RHBDD1: variants seen among roughly 807,000 people sequenced by gnomAD.
RHBDD1 encodes rhomboid-related protein 4.
In RHBDD1, 38 loss-of-function variants were observed where a neutral mutation model predicts 36.3. The ratio of observed to expected loss-of-function variants is 1.05; its 90% CI spans 0.81 to 1.37. The LOEUF (loss-of-function observed/expected upper bound fraction) is 1.37. Ranked by LOEUF, RHBDD1 falls within the 40% of genes most tolerant of loss-of-function variation. RHBDD1 has a pLI of 0.00. For missense variants in RHBDD1, 393 were observed against 377.6 expected, an observed-to-expected ratio of 1.04 and a Z score of -0.34; for synonymous variants, 151 against 136.5, an observed-to-expected ratio of 1.11 and a Z score of -0.74.
At chr2:226,948,821 G>A (rs139713633) in intron 8 of RHBDD1, among the ~76,000 whole-genome samples, 2,530 of 152,108 alleles carry the variant, frequency 0.017, 60 homozygotes, top group African/African-American at 0.058. Context: ...AGAAATAAAG[G>A]GCATTCAAAT....
At chr2:226,844,438 TATAAC>T (rs1269036713) in intron 3 of RHBDD1, among the ~76,000 whole-genome samples, 3 of 152,358 alleles carry the variant, frequency 2.0e-5, no homozygotes, top group Non-Finnish European at 2.9e-5. Context: ...TTTGTGGTAA[TATAAC>T]ATATATTTGA....
At chr2:226,987,775 A>G (rs1311267081) in intron 8 of RHBDD1, among the ~76,000 whole-genome samples, 1 of 152,202 alleles carries the variant, frequency 6.6e-6, no homozygotes, top group South Asian at 2.1e-4. Context: ...GTGACTTGAT[A>G]TATTATCTGC....
At chr2:226,802,720 C>A in the RHBDD1 span, among the ~76,000 whole-genome samples, 2 of 152,188 alleles carry the variant, frequency 1.3e-5, no homozygotes, top group South Asian at 4.2e-4. Flanking sequence ...GAGTTAGAGC[C>A]GATTTGTGTA....
the RHBDD1 span, among the ~76,000 whole-genome samples, chr2:226,810,516 G>A: frequency 3.0e-5 from 3 of 100,586 alleles, no homozygotes; most frequent in African/African-American, 9.6e-5. Context: ...ACTCCAGCCT[G>A]AGCAAAAGAG....
At chr2:226,979,844 C>T (rs530042810) in intron 8 of RHBDD1, among the ~76,000 whole-genome samples, 35 of 152,328 alleles carry the variant, frequency 2.3e-4, no homozygotes, top group African/African-American at 7.7e-4. Context: ...ACCATCACAG[C>T]GGTTTAGGCA....
chr2:226,840,054 A>G (rs1017339849), intron 3 of RHBDD1, among the ~76,000 whole-genome samples: 1 of 152,212 alleles, frequency 6.6e-6, no homozygotes, highest in Non-Finnish European at 1.5e-5. Context: ...AATAATTTCA[A>G]ATGCTAAGTA....
At chr2:226,836,612 G>GA (rs1299875571) in intron 1 of RHBDD1, among the ~76,000 whole-genome samples, 2 of 152,176 alleles carry the variant, frequency 1.3e-5, no homozygotes, top group Admixed American at 1.3e-4. Flanking sequence ...ACGTTTACAA[G>GA]AAACGGATCA....
intron 8 of RHBDD1, among the ~76,000 whole-genome samples, chr2:226,980,807 A>C (rs1162941502): frequency 6.6e-6 from 1 of 151,862 alleles, no homozygotes; most frequent in East Asian, 1.9e-4. Flanking sequence ...ATTGATGTTT[A>C]AAAAATTTAG....
chr2:226,819,218 T>G, the RHBDD1 span, among the ~76,000 whole-genome samples: 3 of 152,230 alleles, frequency 2.0e-5, no homozygotes, highest in African/African-American at 7.2e-5. Flanking sequence ...TGCATTCCCC[T>G]GGGATCCACA....
At chr2:226,908,927 T>C (rs761250942) in intron 7 of RHBDD1, 49 bp downstream of exon 7, 8 of 1,203,984 alleles carry the variant, frequency 6.6e-6, no homozygotes, top group South Asian at 2.5e-5. Context: ...TTTAAAATTA[T>C]AGTGTTCAGC....
chr2:226,881,325 A>G (rs1270981556), intron 5 of RHBDD1, among the ~76,000 whole-genome samples: 1 of 152,220 alleles, frequency 6.6e-6, no homozygotes, highest in African/African-American at 2.4e-5. Context: ...TCTCACCCAG[A>G]GAAAATTATT....
intron 5 of RHBDD1, among the ~76,000 whole-genome samples, chr2:226,904,281 G>A (rs1395982120): frequency 2.0e-5 from 3 of 152,250 alleles, no homozygotes; most frequent in South Asian, 2.1e-4. Flanking sequence ...GGACGTTGCC[G>A]TGAGGCTGAA....
chr2:226,852,655 A>G (rs899128705), intron 3 of RHBDD1, among the ~76,000 whole-genome samples: 2 of 152,140 alleles, frequency 1.3e-5, no homozygotes, highest in African/African-American at 4.8e-5. Context: ...CATCCTGTCT[A>G]TGGTACTTAG....
At chr2:226,975,020 A>G (rs940950984) in intron 8 of RHBDD1, among the ~76,000 whole-genome samples, 89 of 152,166 alleles carry the variant, frequency 5.8e-4, no homozygotes, top group African/African-American at 2.1e-3. Context: ...TGGTACGTGG[A>G]GAGAACTGGG....
Position 226,976,944 on chromosome 2 carries a change from T to C in RHBDD1, c.857-18487T>C, listed in dbSNP as rs372760997. 2.0e-4 allele frequency among the ~76,000 whole-genome samples: 31 copies of C among 152,326 alleles called. No homozygotes were observed. In the East Asian group the frequency reaches 3.3e-3, roughly 16 times the overall value. The stretch of plus-strand genomic sequence containing the variant: ...ATTGAAAGAGCCATTATCTATTTCT[T>C]AGAGGCCCCAAACAAACAGGGTGGA... On this transcript the variant is annotated intron_variant, in intron 8 of 8. Coordinates refer to ENST00000392062, the MANE Select transcript of RHBDD1 (RefSeq NM_001167608.3).
chr2:226,803,273 AAG>A, the RHBDD1 span, among the ~76,000 whole-genome samples: 2 of 152,026 alleles, frequency 1.3e-5, no homozygotes, highest in African/African-American at 4.8e-5. Flanking sequence ...ATGGGGTAAT[AAG>A]AGAGTACAAA....
chr2:226,869,233 A>C (rs948774762), intron 5 of RHBDD1: 1 of 963,396 alleles, frequency 1.0e-6, no homozygotes, highest in Non-Finnish European at 1.2e-6. Flanking sequence ...TGAGCTTGGG[A>C]AGTAAATGAA....
At chr2:226,905,742 C>G (rs996354328) in intron 5 of RHBDD1, among the ~76,000 whole-genome samples, 14 of 152,180 alleles carry the variant, frequency 9.2e-5, no homozygotes, top group Non-Finnish European at 1.9e-4. Flanking sequence ...GTGCCCAACA[C>G]TGGGCATTTC....
chr2:226,980,319 C>T (rs1955432190), intron 8 of RHBDD1, among the ~76,000 whole-genome samples: 1 of 152,142 alleles, frequency 6.6e-6, no homozygotes, highest in Admixed American at 6.5e-5. Flanking sequence ...CGTTCCCCAC[C>T]AGAGCGAGGT....
Sources: allele counts gnomAD v4.1 joint callset (sites outside exome capture counted in the v4.1 genomes callset), GRCh38; gene constraint gnomAD v4.1.1; transcripts MANE v1.5; gene names NCBI Gene and HGNC (gene_info 2026-07-23, HGNC 2026-07-21).